PCDHGA5: variants seen among roughly 807,000 people sequenced by gnomAD.
PCDHGA5 encodes the protein protocadherin gamma subfamily A, 5.
A neutral mutation model predicts 56.7 loss-of-function variants in PCDHGA5; 36 were observed. The ratio of observed to expected loss-of-function variants is 0.64; its 90% CI spans 0.49 to 0.84. The LOEUF (loss-of-function observed/expected upper bound fraction) is 0.84, where lower values mean the gene tolerates loss of function less well. Ranked by LOEUF, PCDHGA5 falls within the 40% of genes least tolerant of loss-of-function variation. The pLI is 0.00. For missense variants in PCDHGA5, 1,305 were observed against 1,201.5 expected, an observed-to-expected ratio of 1.09 and a Z score of -1.27; for synonymous variants, 563 against 520.2, an observed-to-expected ratio of 1.08 and a Z score of -1.12.
At chr5:141,443,953 T>C (rs1373953428) in intron 1 of PCDHGA5, among the ~76,000 whole-genome samples, 1 of 152,142 alleles carries the variant, frequency 6.6e-6, no homozygotes, top group Non-Finnish European at 1.5e-5. Context: ...CTTATTGGTA[T>C]GTATTCTGTG....
chr5:141,434,509 T>C (rs1480014539), intron 1 of PCDHGA5, among the ~76,000 whole-genome samples: 3 of 152,232 alleles, frequency 2.0e-5, no homozygotes, highest in Non-Finnish European at 4.4e-5. Context: ...AGAAAACTGC[T>C]TAAAGGTGTT....
chr5:141,422,286 T>C, intron 1 of PCDHGA5: 2 of 1,554,938 alleles, frequency 1.3e-6, no homozygotes, highest in Non-Finnish European at 1.7e-6. Flanking sequence ...TCACCTCTTC[T>C]ATTAATTCAA....
chr5:141,470,969 A>T (rs62379203), intron 1 of PCDHGA5, among the ~76,000 whole-genome samples: 1 of 151,298 alleles, frequency 6.6e-6, no homozygotes, highest in Non-Finnish European at 1.5e-5. Flanking sequence ...CTCCCACCTC[A>T]GCCTCCCAAA....
intron 1 of PCDHGA5, among the ~76,000 whole-genome samples, chr5:141,381,826 C>CTTTTTTTTTTTTTTTTT (rs770630741): frequency 6.7e-5 from 5 of 74,282 alleles, no homozygotes; most frequent in Admixed American, 1.9e-4. Flanking sequence ...CTTTCTTCTT[C>CTTTTTTTTTTTTTTTTT]TTTTTTTTTT....
intron 1 of PCDHGA5, chr5:141,399,220 A>T: frequency 6.2e-7 from 1 of 1,613,966 alleles, no homozygotes; most frequent in East Asian, 2.2e-5. Flanking sequence ...AATTGCTTTG[A>T]TCAAAATACA....
At chr5:141,394,667 G>T in intron 1 of PCDHGA5, 2 of 1,613,252 alleles carry the variant, frequency 1.2e-6, no homozygotes, top group East Asian at 2.2e-5. Flanking sequence ...GACTCTTCTC[G>T]GTGGGTCTGC....
At chr5:141,412,067 G>A (rs1428018643) in intron 1 of PCDHGA5, 2 of 152,170 alleles carry the variant, frequency 1.3e-5, no homozygotes, top group Non-Finnish European at 2.9e-5. Context: ...TTGCATTTGA[G>A]GGAACAATTG....
At chr5:141,374,953 A>G (rs748125378) in intron 1 of PCDHGA5, 1 of 1,614,024 alleles carries the variant, frequency 6.2e-7, no homozygotes, top group Non-Finnish European at 8.5e-7. Context: ...AGATCTCACA[A>G]ATTTTCTGTT....
chr5:141,397,988 C>A, intron 1 of PCDHGA5: 2 of 1,327,490 alleles, frequency 1.5e-6, no homozygotes, highest in Non-Finnish European at 1.0e-6. Flanking sequence ...CTTTACACCG[C>A]TTCCTCCTCG....
At chr5:141,500,546 G>A (rs1428503967) in intron 2 of PCDHGA5, among the ~76,000 whole-genome samples, 1 of 152,126 alleles carries the variant, frequency 6.6e-6, no homozygotes, top group African/African-American at 2.4e-5. Context: ...ACCTAAATAA[G>A]TTGTTCACAA....
rs576761049 is a variant in PCDHGA5, at chr5:141,372,029, C to T, written c.2421+5278C>T. On this transcript the variant is annotated intron_variant, in intron 1 of 3. Transcript: ENST00000518069. ...AGGGCTCGCCTACGCTCAGCGCCAACGTGAGCCTGCGCGTGTTGGTGGACG... is the reference window on the plus strand; with the variant it reads ...AGGGCTCGCCTACGCTCAGCGCCAATGTGAGCCTGCGCGTGTTGGTGGACG... The T allele has an allele frequency of 2.7e-5, 43 of 1,613,442 alleles. No individual in the cohort carries two copies. The African/African-American group carries it at 4.3e-4, about 16-fold the overall frequency.
intron 1 of PCDHGA5, chr5:141,414,478 C>T (rs977591382): frequency 5.6e-6 from 9 of 1,613,884 alleles, no homozygotes; most frequent in Non-Finnish European, 3.4e-6. Flanking sequence ...GGGAAGTCCT[C>T]CTCTATCAAC....
intron 1 of PCDHGA5, among the ~76,000 whole-genome samples, chr5:141,452,674 G>A (rs2098746885): frequency 6.6e-6 from 1 of 151,936 alleles, no homozygotes; most frequent in Non-Finnish European, 1.5e-5. Context: ...TCCAGCCTAG[G>A]CCACAGAATG....
intron 1 of PCDHGA5, chr5:141,392,663 A>C: frequency 1.2e-6 from 1 of 810,712 alleles, no homozygotes; most frequent in Non-Finnish European, 1.8e-6. Flanking sequence ...GATGCCACAA[A>C]CTAACTGCTG....
At chr5:141,422,561 A>T in intron 1 of PCDHGA5, 1 of 1,613,992 alleles carries the variant, frequency 6.2e-7, no homozygotes, top group Non-Finnish European at 8.5e-7. Context: ...AATGTGGCAG[A>T]TGACAACGAT....
intron 1 of PCDHGA5, chr5:141,410,366 G>T: frequency 6.2e-7 from 1 of 1,613,774 alleles, no homozygotes; most frequent in Non-Finnish European, 8.5e-7. Flanking sequence ...TCTCAGCCCT[G>T]CTACTTGGGA....
chr5:141,507,872 C>T (rs2099864458), intron 3 of PCDHGA5, among the ~76,000 whole-genome samples: 1 of 152,168 alleles, frequency 6.6e-6, no homozygotes, highest in African/African-American at 2.4e-5. Flanking sequence ...GCTTCCTAGC[C>T]CTGAAACCAG....
rs376452870 is a variant in PCDHGA5 at position 141,423,273 on chromosome 5, G to A, written c.2421+56522G>A. 34 of 1,613,778 alleles carry A rather than the reference G, an allele frequency of 2.1e-5. No homozygotes were observed. In the African/African-American group the frequency reaches 4.4e-4, roughly 21 times the overall value. Reference sequence around the variant, plus strand: ...CGGACCTCGGCAGCCTCGAGTCTCTGGCTAACTCTGAAACCTCAGACCTCT... The same window carrying A: ...CGGACCTCGGCAGCCTCGAGTCTCTAGCTAACTCTGAAACCTCAGACCTCT... On this transcript the variant is annotated intron_variant, in intron 1 of 3. Coordinates refer to ENST00000518069, the MANE Select transcript of PCDHGA5 (RefSeq NM_018918.3).
intron 3 of PCDHGA5, among the ~76,000 whole-genome samples, chr5:141,510,373 T>TC (rs112437269): frequency 0.25 from 37,727 of 151,394 alleles, 4,765 homozygotes; most frequent in Admixed American, 0.33. Context: ...GAATCTCTAC[T>TC]CGTGCCAGGC....
Sources: allele counts gnomAD v4.1 joint callset (sites outside exome capture counted in the v4.1 genomes callset), GRCh38; gene constraint gnomAD v4.1.1; transcripts MANE v1.5; gene names NCBI Gene and HGNC (gene_info 2026-07-23, HGNC 2026-07-21).